LYRM4: variants seen among roughly 807,000 people sequenced by gnomAD.
LYRM4 encodes LYR motif containing 4.
In LYRM4, 9 loss-of-function variants were observed where a neutral mutation model predicts 11.7. The observed-to-expected ratio is 0.77, with a 90% CI of 0.46 to 1.34. LYRM4 has a LOEUF of 1.34. Among genes scored for constraint, LYRM4 ranks in the 40% most tolerant of loss-of-function variants. The pLI is 0.00. For missense variants in LYRM4, 133 were observed against 112.5 expected (o/e 1.18, Z -0.82); for synonymous variants, 42 against 40.4 (o/e 1.04, Z -0.15).
chr6:5,055,995 CTCTT>C, the LYRM4 span, among the ~76,000 whole-genome samples: 35 of 151,262 alleles, frequency 2.3e-4, no homozygotes, highest in African/African-American at 7.6e-4. The surrounding 1 kb of genome is among the most constrained non-coding windows in gnomAD (Gnocchi z 4.5). Flanking sequence ...TCTTTCATCT[CTCTT>C]TCTCTTTCTT....
chr6:5,177,674 C>T lies in LYRM4; in HGVS notation c.207+38944G>A, dbSNP rs144639013. ...TATCCTTACGGCACCAGGTTATTTC[C>T]GTGACTAATAAAAAAATCCAACTAG... On this transcript the variant is annotated intron_variant, in intron 2 of 2. Coordinates refer to ENST00000330636, the MANE Select transcript of LYRM4 (RefSeq NM_020408.6). Among the ~76,000 whole-genome samples, 322 of 152,246 alleles carry T rather than the reference C, an allele frequency of 2.1e-3. 1 individual carries two copies. Among genetic ancestry groups the T allele is most frequent in the African/African-American group, 7.2e-3 (298 of 41,540 alleles).
intron 2 of LYRM4, among the ~76,000 whole-genome samples, chr6:5,158,201 C>T (rs531517839): frequency 6.6e-6 from 1 of 152,334 alleles, no homozygotes; most frequent in South Asian, 2.1e-4. Flanking sequence ...TGCATATACA[C>T]TTATGTGTCT....
chr6:5,094,988 T>C, the LYRM4 span, among the ~76,000 whole-genome samples: 1 of 152,192 alleles, frequency 6.6e-6, no homozygotes, highest in East Asian at 1.9e-4. Context: ...AGAAAATTTG[T>C]AATGTTTTCA....
intron 2 of LYRM4, among the ~76,000 whole-genome samples, chr6:5,189,940 G>A (rs1359963261): frequency 6.6e-6 from 1 of 152,186 alleles, no homozygotes; most frequent in Non-Finnish European, 1.5e-5. Context: ...TGATACTGTT[G>A]TCTCCATTTA....
intron 1 of LYRM4, among the ~76,000 whole-genome samples, chr6:5,217,629 ATTC>A (rs1474703537): frequency 1.3e-5 from 2 of 152,254 alleles, no homozygotes; most frequent in African/African-American, 2.4e-5. Flanking sequence ...AATGAAAGCT[ATTC>A]TTCTTAACAC....
rs190853123 is a variant in LYRM4 at position 5,148,217 on chromosome 6, T to C, written c.208-38726A>G. 3.4e-5 allele frequency: 5 copies of C among 146,466 alleles called. No individual in the cohort carries two copies. In the South Asian group the frequency reaches 7.2e-4, roughly 21 times the overall value. The allele number at this position is 146,466 out of a possible 1,614,324, so 9.1% of individuals were successfully genotyped here. A position where few individuals can be genotyped will look rare whatever the true frequency, so the allele number is the denominator to read the frequency against. Reference sequence around the variant, plus strand: ...CACCCGCATGCTCGTTTGTTGAACATTGGCTCCCAGACCGTTTGAGGCACT... The same window carrying C: ...CACCCGCATGCTCGTTTGTTGAACACTGGCTCCCAGACCGTTTGAGGCACT... On this transcript the variant is annotated intron_variant, in intron 2 of 2. Transcript: ENST00000330636.
chr6:5,164,746 T>A lies in LYRM4; in HGVS notation c.207+51872A>T, dbSNP rs566401765. Reference sequence around the variant, plus strand: ...ACTTTGGGAGGCCCAGGCAGGCTGATCACTTGAGGTCAGGAGTTTGAGACC... The same window carrying A: ...ACTTTGGGAGGCCCAGGCAGGCTGAACACTTGAGGTCAGGAGTTTGAGACC... On this transcript the variant is annotated intron_variant, in intron 2 of 2. Coordinates refer to ENST00000330636, the MANE Select transcript of LYRM4 (RefSeq NM_020408.6). Among the ~76,000 whole-genome samples the A allele has an allele frequency of 6.5e-3, 990 of 152,240 alleles. 9 individuals are homozygous for A. Among genetic ancestry groups the A allele is most frequent in the Middle Eastern group, 0.017 (5 of 294 alleles).
chr6:5,152,581 T>C (rs1758152373), intron 2 of LYRM4, among the ~76,000 whole-genome samples: 1 of 152,208 alleles, frequency 6.6e-6, no homozygotes, highest in Non-Finnish European at 1.5e-5. Context: ...CAGCTGCGTG[T>C]CTGTCTCCGG....
At chr6:5,162,284 A>G (rs184430076) in intron 2 of LYRM4, among the ~76,000 whole-genome samples, 1 of 152,300 alleles carries the variant, frequency 6.6e-6, no homozygotes, top group East Asian at 1.9e-4. Flanking sequence ...CTTTGTGTCA[A>G]TTTTACACCC....
chr6:5,232,990 A>T (rs931828343), intron 1 of LYRM4, among the ~76,000 whole-genome samples: 1 of 152,232 alleles, frequency 6.6e-6, no homozygotes, highest in African/African-American at 2.4e-5. Flanking sequence ...ACCCTGCATT[A>T]AAGGCCACAA....
chr6:5,214,902 G>A (rs768042224), intron 2 of LYRM4, among the ~76,000 whole-genome samples: 32 of 151,596 alleles, frequency 2.1e-4, no homozygotes, highest in African/African-American at 6.3e-4. Context: ...CAAGGTCGCC[G>A]TGTGTATTCT....
In LYRM4 at chr6:5,109,498, G is replaced by A. The variant is rs1412731473; in HGVS notation, c.208-7C>T. 6.2e-7 allele frequency: 1 copy of A among 1,613,454 alleles called. No individual in the cohort carries two copies. Among genetic ancestry groups the A allele is most frequent in the Non-Finnish European group, 8.5e-7 (1 of 1,179,370 alleles). On this transcript the variant is annotated splice_polypyrimidine_tract_variant and splice_region_variant and intron_variant, in intron 2 of 2. Coordinates refer to ENST00000330636, the MANE Select transcript of LYRM4 (RefSeq NM_020408.6). Reference sequence around the variant, plus strand: ...ACAGTTGGCCAATGTGGACCTGAAGGCAAAGAAAGGACACAGGTCAGGAAC... The same window carrying A: ...ACAGTTGGCCAATGTGGACCTGAAGACAAAGAAAGGACACAGGTCAGGAAC...
chr6:5,124,352 G>C (rs1362538917), intron 2 of LYRM4, among the ~76,000 whole-genome samples: 1 of 152,186 alleles, frequency 6.6e-6, no homozygotes, highest in South Asian at 2.1e-4. Flanking sequence ...AAAGTGCTGG[G>C]ATTATAGGTG....
chr6:5,218,501 A>G, intron 1 of LYRM4: 1 of 419,514 alleles, frequency 2.4e-6, no homozygotes, highest in Non-Finnish European at 3.2e-6. Flanking sequence ...TTGCATTTAA[A>G]AGCAAGAGTA....
At chr6:5,174,732 A>G (rs181265382) in intron 2 of LYRM4, among the ~76,000 whole-genome samples, 4 of 152,284 alleles carry the variant, frequency 2.6e-5, no homozygotes, top group African/African-American at 9.6e-5. Context: ...CCCAATACTA[A>G]ATTAAGGTGT....
At chr6:5,051,546 A>G in the LYRM4 span, among the ~76,000 whole-genome samples, 1 of 152,314 alleles carries the variant, frequency 6.6e-6, no homozygotes, top group South Asian at 2.1e-4. Flanking sequence ...GAAAAAACAA[A>G]CAAAACAAAA....
the LYRM4 span, among the ~76,000 whole-genome samples, chr6:5,051,649 G>T: frequency 6.6e-6 from 1 of 152,144 alleles, no homozygotes; most frequent in Admixed American, 6.5e-5. Context: ...AAAAGCTGAG[G>T]GAGTTTGTTA....
the LYRM4 span, among the ~76,000 whole-genome samples, chr6:5,096,942 C>G: frequency 1.1e-5 from 1 of 89,814 alleles, no homozygotes; most frequent in African/African-American, 3.2e-5. Flanking sequence ...GTGTGCTAAC[C>G]AGACAAACTG....
intron 2 of LYRM4, among the ~76,000 whole-genome samples, chr6:5,156,492 G>A (rs1482517068): frequency 6.6e-6 from 1 of 152,216 alleles, no homozygotes; most frequent in African/African-American, 2.4e-5. Context: ...AGAATAAGGT[G>A]GGGGCAGAAG....
Sources: allele counts gnomAD v4.1 joint callset (sites outside exome capture counted in the v4.1 genomes callset), GRCh38; gene constraint gnomAD v4.1.1; non-coding constraint Gnocchi (gnomAD v3.1); transcripts MANE v1.5; gene names NCBI Gene and HGNC (gene_info 2026-07-23, HGNC 2026-07-21).